PBX1: variants seen among roughly 807,000 people sequenced by gnomAD.
PBX1 encodes PBX homeobox 1, also known as pre-B-cell leukemia transcription factor 1.
In PBX1, 6 loss-of-function variants were observed where a neutral mutation model predicts 53.4. That is an observed-to-expected ratio of 0.11 (90% CI 0.06 to 0.22). The LOEUF is 0.22. Ranked by LOEUF, PBX1 falls within the 10% of genes least tolerant of loss-of-function variation. The pLI, the probability that PBX1 is intolerant of heterozygous loss-of-function variation, is 1.00. For missense variants in PBX1, 251 were observed against 551.4 expected (o/e 0.46, Z 5.46); for synonymous variants, 204 against 212.3 (o/e 0.96, Z 0.34).
chr1:164,630,054 C>G lies in PBX1; in HGVS notation c.265+66743C>G, dbSNP rs1041410524. ...TTTCAGAAAGGTGAATAAAGTAACC[C>G]CAAGATAACGTAAAATTTTTCCTAA... On this transcript the variant is annotated intron_variant, in intron 2 of 8. Transcript: ENST00000420696. Among the ~76,000 whole-genome samples, 8 of 151,964 alleles carry G rather than the reference C, an allele frequency of 5.3e-5. 1 individual carries two copies.
Position 164,847,872 on chromosome 1 carries a change from G to A in PBX1, c.*1196G>A, listed in dbSNP as rs1042139634. The stretch of plus-strand genomic sequence containing the variant: ...AGGACCTGATCATGAGGAAGACCAG[G>A]TTTCCAGTGTAAACTACTCTTGTTC... On this transcript the variant is annotated 3_prime_UTR_variant, in exon 9 of 9. Transcript: ENST00000420696. 15 of 1,054,970 alleles carry A rather than the reference G, an allele frequency of 1.4e-5. No homozygotes were observed. In the African/African-American group the frequency reaches 2.1e-4, roughly 15 times the overall value. The allele number at this position is 1,054,970 out of a possible 1,614,324, so 65.4% of individuals were successfully genotyped here. A position where few individuals can be genotyped will look rare whatever the true frequency, so the allele number is the denominator to read the frequency against.
rs1042908718 is a variant in PBX1 at position 164,741,944 on chromosome 1, G to A, written c.266-50550G>A. ...TAGATTTTTTTTTTAACATTTCTAG[G>A]CTTACTATATTCTATCTGGAAAAAT... On this transcript the variant is annotated intron_variant, in intron 2 of 8. Transcript: ENST00000420696. Among the ~76,000 whole-genome samples the A allele has an allele frequency of 4.6e-5, 7 of 151,846 alleles. No homozygotes were observed. The East Asian group carries it at 9.7e-4, about 21-fold the overall frequency.
chr1:164,706,989 G>A (rs1390447698), intron 2 of PBX1, among the ~76,000 whole-genome samples: 4 of 152,206 alleles, frequency 2.6e-5, no homozygotes, highest in Non-Finnish European at 5.9e-5. Flanking sequence ...TTTGTCCTGA[G>A]TTAGTGGATG....
At chr1:164,598,989 G>C (rs1396405650) in intron 2 of PBX1, among the ~76,000 whole-genome samples, 4 of 151,378 alleles carry the variant, frequency 2.6e-5, no homozygotes, top group Non-Finnish European at 5.9e-5. Flanking sequence ...TCCAGTCTAT[G>C]TCCTGACCAA....
Position 164,603,929 on chromosome 1 carries a change from A to ATTTTTTTTTTTTTTTTTTTTTTTT in PBX1, c.265+40628_265+40651dup, listed in dbSNP as rs71583414. 1.1e-4 allele frequency among the ~76,000 whole-genome samples: 8 copies of ATTTTTTTTTTTTTTTTTTTTTTTT among 75,742 alleles called. 3 individuals are homozygous for ATTTTTTTTTTTTTTTTTTTTTTTT. The highest frequency in any genetic ancestry group is 1.4e-4 in the Non-Finnish European group (6 of 44,408). 49.7% of individuals were successfully genotyped at this position (75,742 alleles called of 152,430 possible). A position where few individuals can be genotyped will look rare whatever the true frequency, so the allele number is the denominator to read the frequency against. Reference sequence around the variant, plus strand: ...GACACTCTGTACATTATGTCATTTCATTTTTTTTTTTTTTTTTTTTTTTTT... The same window carrying ATTTTTTTTTTTTTTTTTTTTTTTT: ...GACACTCTGTACATTATGTCATTTCATTTTTTTTTTTTTTTTTTTTTTTTTTTTTTTTTTTTTTTTTTTTTTTTT... On this transcript the variant is annotated intron_variant, in intron 2 of 8. Coordinates refer to ENST00000420696, the MANE Select transcript of PBX1 (RefSeq NM_002585.4).
chr1:164,611,645 G>A (rs921330731), intron 2 of PBX1, among the ~76,000 whole-genome samples: 4 of 150,352 alleles, frequency 2.7e-5, no homozygotes, highest in African/African-American at 9.7e-5. Context: ...AAAAAAAATT[G>A]GCTCCTGGAC....
In PBX1 at chr1:164,724,919, T is replaced by C. The variant is rs538881835; in HGVS notation, c.266-67575T>C. Reference sequence around the variant, plus strand: ...ATAACTTGCGGAGTGTTTTACAATGTACTCTGCAGACAATTGCTCGGATCC... The same window carrying C: ...ATAACTTGCGGAGTGTTTTACAATGCACTCTGCAGACAATTGCTCGGATCC... On this transcript the variant is annotated intron_variant, in intron 2 of 8. Coordinates refer to ENST00000420696, the MANE Select transcript of PBX1 (RefSeq NM_002585.4). 3.3e-5 allele frequency among the ~76,000 whole-genome samples: 5 copies of C among 152,214 alleles called. No homozygotes were observed. The South Asian group carries it at 1.0e-3, about 32-fold the overall frequency.
chr1:164,734,894 A>G (rs898253563), intron 2 of PBX1, among the ~76,000 whole-genome samples: 3 of 152,206 alleles, frequency 2.0e-5, no homozygotes, highest in Non-Finnish European at 2.9e-5. Flanking sequence ...GAATAAAGAG[A>G]TAATATTATG....
chr1:164,848,984 AT>A lies in PBX1; in HGVS notation c.*2309del. 1 of 1,131,620 alleles carries A rather than the reference AT, an allele frequency of 8.8e-7. No individual in the cohort carries two copies. The highest frequency in any genetic ancestry group is 1.1e-6 in the Non-Finnish European group (1 of 921,218). 70.1% of individuals were successfully genotyped at this position (1,131,620 alleles called of 1,614,324 possible). On this transcript the variant is annotated 3_prime_UTR_variant, in exon 9 of 9. Transcript: ENST00000420696. ...GTTGTGTCTACTAACTTCAGCCCTA[AT>A]CAGAACAGATGCCTAGAAGGAGCAT...
chr1:164,562,551 C>T (rs1231014798), intron 1 of PBX1, among the ~76,000 whole-genome samples: 1 of 151,662 alleles, frequency 6.6e-6, no homozygotes, highest in Admixed American at 6.6e-5. Flanking sequence ...CCAATGGGTG[C>T]AAGGTCCTAA....
rs1377542583 is a variant in PBX1 at position 164,764,220 on chromosome 1, G to A, written c.266-28274G>A. Among the ~76,000 whole-genome samples, 3 of 152,248 alleles carry A rather than the reference G, an allele frequency of 2.0e-5. No homozygotes were observed. The East Asian group carries it at 5.8e-4, about 29-fold the overall frequency. On this transcript the variant is annotated intron_variant, in intron 2 of 8. Coordinates refer to ENST00000420696, the MANE Select transcript of PBX1 (RefSeq NM_002585.4). The stretch of plus-strand genomic sequence containing the variant: ...ATATCAGTTGCCCTAAAGGCTTTAG[G>A]AGTTACAATACACACACACATCATA...
At chr1:164,780,411 G>C (rs1667873615) in intron 2 of PBX1, among the ~76,000 whole-genome samples, 1 of 152,198 alleles carries the variant, frequency 6.6e-6, no homozygotes, top group African/African-American at 2.4e-5. Context: ...CTGGAAACTT[G>C]AATCGGCAGT....
intron 2 of PBX1, among the ~76,000 whole-genome samples, chr1:164,705,011 A>G (rs1663344067): frequency 6.6e-6 from 1 of 152,214 alleles, no homozygotes; most frequent in Non-Finnish European, 1.5e-5. Flanking sequence ...CATTTGAGAA[A>G]TTTTGTAACA....
At chr1:164,695,586 G>T (rs1399186194) in intron 2 of PBX1, among the ~76,000 whole-genome samples, 1 of 152,116 alleles carries the variant, frequency 6.6e-6, no homozygotes. Context: ...ACTTTGCCTT[G>T]TATATTCCTT....
At chr1:164,673,396 G>T (rs1047102818) in intron 2 of PBX1, among the ~76,000 whole-genome samples, 3 of 151,806 alleles carry the variant, frequency 2.0e-5, no homozygotes, top group African/African-American at 7.3e-5. Flanking sequence ...AAGCTTCAGG[G>T]GCCACCACGT....
intron 2 of PBX1, among the ~76,000 whole-genome samples, chr1:164,591,616 A>C (rs1655388103): frequency 6.6e-6 from 1 of 152,228 alleles, no homozygotes; most frequent in Non-Finnish European, 1.5e-5. Flanking sequence ...TATGTCTGTC[A>C]TGGCGCTGCT....
intron 2 of PBX1, among the ~76,000 whole-genome samples, chr1:164,589,798 G>A (rs1397791614): frequency 1.3e-5 from 2 of 152,186 alleles, no homozygotes. Context: ...ACTTTTCCAA[G>A]GTCTTATAGT....
At chr1:164,576,068 A>C (rs1654210336) in intron 2 of PBX1, among the ~76,000 whole-genome samples, 1 of 152,352 alleles carries the variant, frequency 6.6e-6, no homozygotes, top group South Asian at 2.1e-4. Context: ...CCACGTAGAA[A>C]AGAGAAATTG....
intron 2 of PBX1, among the ~76,000 whole-genome samples, chr1:164,667,757 G>T (rs1660887486): frequency 6.6e-6 from 1 of 152,232 alleles, no homozygotes; most frequent in African/African-American, 2.4e-5. Context: ...TTTAGCTAGT[G>T]AGAGAGCCCA....
Sources: allele counts gnomAD v4.1 joint callset (sites outside exome capture counted in the v4.1 genomes callset), GRCh38; gene constraint gnomAD v4.1.1; transcripts MANE v1.5; gene names NCBI Gene and HGNC (gene_info 2026-07-23, HGNC 2026-07-21).